TRPM7: variants seen among roughly 807,000 people sequenced by gnomAD.
TRPM7 encodes the protein LTRPC ion channel family member 7.
Under a neutral mutation model 229.7 loss-of-function variants are expected in TRPM7, and 134 were observed. The observed-to-expected ratio is 0.58, with a 90% CI of 0.51 to 0.67. TRPM7 has a LOEUF of 0.67. Among genes scored for constraint, TRPM7 ranks in the 30% least tolerant of loss-of-function variants. The probability of loss-of-function intolerance (pLI) is 0.00; values close to 1 mark genes in which losing one functional copy is unlikely to be tolerated. For missense variants in TRPM7, 1,901 were observed against 2,210.0 expected (o/e 0.86, Z 2.80); for synonymous variants, 699 against 715.2 (o/e 0.98, Z 0.36).
intron 38 of TRPM7, 55 bp from the exon 39 acceptor site, chr15:50,561,863 G>C (rs1244985649): frequency 6.9e-7 from 1 of 1,443,774 alleles, no homozygotes; most frequent in East Asian, 2.5e-5. Context: ...AAAGAAAAAA[G>C]TTAGTATTTC....
At chr15:50,626,600 C>T (rs927526153) in intron 11 of TRPM7, among the ~76,000 whole-genome samples, 3 of 152,146 alleles carry the variant, frequency 2.0e-5, no homozygotes, top group African/African-American at 7.2e-5. Flanking sequence ...ACCACATATA[C>T]ACAGAAGATA....
intron 21 of TRPM7, among the ~76,000 whole-genome samples, chr15:50,601,628 C>T (rs112935953): frequency 0.02 from 3,109 of 151,838 alleles, 123 homozygotes; most frequent in African/African-American, 0.072. Flanking sequence ...GGTGACACAG[C>T]GAGACTCCAT....
At chr15:50,677,065 C>A (rs2062110315) in intron 1 of TRPM7, among the ~76,000 whole-genome samples, 1 of 152,154 alleles carries the variant, frequency 6.6e-6, no homozygotes, top group Non-Finnish European at 1.5e-5. Flanking sequence ...CAATACCACA[C>A]AGACTTGGTG....
intron 38 of TRPM7, among the ~76,000 whole-genome samples, chr15:50,564,230 CAGAG>C (rs57888851): frequency 0.21 from 27,024 of 131,782 alleles, 3,303 homozygotes; most frequent in East Asian, 0.5. Context: ...GCCTGGGTGA[CAGAG>C]TGAGACTGTC....
At chr15:50,584,724 G>C (rs76891562) in intron 28 of TRPM7, among the ~76,000 whole-genome samples, 1 of 151,592 alleles carries the variant, frequency 6.6e-6, no homozygotes, top group Non-Finnish European at 1.5e-5. Flanking sequence ...CTTTCAGTCA[G>C]TACTCAAAAA....
At chr15:50,656,876 T>C (rs1326578629) in intron 3 of TRPM7, among the ~76,000 whole-genome samples, 3 of 152,180 alleles carry the variant, frequency 2.0e-5, no homozygotes, top group Non-Finnish European at 4.4e-5. Flanking sequence ...TCCTATTGCA[T>C]TTATCTCATT....
At chr15:50,618,017 A>G (rs187491703) in intron 13 of TRPM7, among the ~76,000 whole-genome samples, 1 of 152,194 alleles carries the variant, frequency 6.6e-6, no homozygotes, top group Non-Finnish European at 1.5e-5. Context: ...AAATAAATAA[A>G]TAATTCTAAA....
chr15:50,615,163 C>CAAAAA (rs71124383), intron 13 of TRPM7, among the ~76,000 whole-genome samples: 3 of 94,582 alleles, frequency 3.2e-5, no homozygotes, highest in Non-Finnish European at 6.4e-5. Flanking sequence ...GACTTTGTCT[C>CAAAAA]AAAAAAAAAA....
At chr15:50,589,746 G>T in intron 26 of TRPM7, 90 bp from the exon 27 acceptor site, 1 of 790,198 alleles carries the variant, frequency 1.3e-6, no homozygotes, top group Non-Finnish European at 2.0e-6. Context: ...AAAACAATAG[G>T]TTTATGCTGT....
intron 3 of TRPM7, among the ~76,000 whole-genome samples, chr15:50,654,294 A>G (rs982276940): frequency 3.3e-5 from 5 of 150,972 alleles, no homozygotes; most frequent in African/African-American, 7.3e-5. Flanking sequence ...AAAAATATAA[A>G]AAATTAGCTG....
intron 2 of TRPM7, among the ~76,000 whole-genome samples, chr15:50,660,020 GTATTT>G (rs1823662197): frequency 6.6e-6 from 1 of 152,098 alleles, no homozygotes; most frequent in Non-Finnish European, 1.5e-5. Flanking sequence ...AAGAAAAATG[GTATTT>G]TATTTTAGAA....
chr15:50,581,709 T>C (rs1379718028), intron 29 of TRPM7, among the ~76,000 whole-genome samples: 1 of 152,092 alleles, frequency 6.6e-6, no homozygotes, highest in Admixed American at 6.5e-5. Flanking sequence ...CTTCCCCAGT[T>C]TGAGACTCAT....
chr15:50,569,303 C>A (rs1001682250), intron 38 of TRPM7, among the ~76,000 whole-genome samples: 5 of 152,270 alleles, frequency 3.3e-5, no homozygotes, highest in Admixed American at 2.6e-4. Flanking sequence ...ACTTGTAATT[C>A]TCTGCATACA....
chr15:50,594,714 CA>C, intron 23 of TRPM7, 101 bp from the exon 24 acceptor site: 2 of 791,146 alleles, frequency 2.5e-6, no homozygotes, highest in Non-Finnish European at 1.8e-6. Context: ...AATAATAATT[CA>C]AAAAATATCC....
intron 1 of TRPM7, among the ~76,000 whole-genome samples, chr15:50,669,279 CA>C (rs1352279819): frequency 6.7e-6 from 1 of 148,512 alleles, no homozygotes; most frequent in Non-Finnish European, 1.5e-5. Flanking sequence ...ACTAAAAATA[CA>C]AAAAATTAGC....
Position 50,682,890 on chromosome 15 carries a change from G to A in TRPM7, c.3+3641C>T, listed in dbSNP as rs571869708. ...CCTCAACCACTGAATTTTGCTTCCCGGTACCAAACTTTTTTTTTTTTTTTG... is the reference window on the plus strand; with the variant it reads ...CCTCAACCACTGAATTTTGCTTCCCAGTACCAAACTTTTTTTTTTTTTTTG... On this transcript the variant is annotated intron_variant, in intron 1 of 38. Coordinates refer to ENST00000646667, the MANE Select transcript of TRPM7 (RefSeq NM_017672.6). 1.5e-3 allele frequency among the ~76,000 whole-genome samples: 218 copies of A among 149,848 alleles called. 3 individuals carry two copies. Among genetic ancestry groups the A allele is most frequent in the African/African-American group, 4.9e-3 (197 of 40,424 alleles).
intron 1 of TRPM7, among the ~76,000 whole-genome samples, chr15:50,672,533 G>A (rs574090038): frequency 4.3e-4 from 66 of 152,112 alleles, no homozygotes; most frequent in African/African-American, 1.5e-3. Flanking sequence ...TCCTGACCCC[G>A]TGTAGGCCTA....
chr15:50,598,528 T>C (rs550710326), intron 22 of TRPM7, among the ~76,000 whole-genome samples: 1 of 152,312 alleles, frequency 6.6e-6, no homozygotes, highest in Non-Finnish European at 1.5e-5. Context: ...GTAATTAACG[T>C]TGTGCTTGAC....
At chr15:50,618,755 C>T (rs2060304960) in intron 13 of TRPM7, among the ~76,000 whole-genome samples, 1 of 151,980 alleles carries the variant, frequency 6.6e-6, no homozygotes, top group African/African-American at 2.4e-5. Flanking sequence ...GGTAGTTGTT[C>T]AACCCTCACC....
Sources: gnomAD v4.1 joint callset for allele counts (sites outside exome capture counted in the v4.1 genomes callset) on GRCh38, gnomAD v4.1.1 for gene constraint, MANE v1.5 for transcripts, NCBI Gene and HGNC (gene_info 2026-07-23, HGNC 2026-07-21) for gene names.